COL4A1: variants seen among roughly 807,000 people sequenced by gnomAD.
COL4A1 encodes the protein collagen type IV alpha 1 chain.
COL4A1 carries 40 observed loss-of-function variants against 216.6 expected under a neutral mutation model. The ratio of observed to expected loss-of-function variants is 0.18; its 90% CI spans 0.14 to 0.24. The LOEUF is 0.24. COL4A1 is among the 10% of genes least tolerant of loss of function. The pLI is 1.00. For synonymous variants in COL4A1, 839 were observed against 810.7 expected (o/e 1.03, Z -0.59); for missense variants, 1,628 against 2,196.8 (o/e 0.74, Z 5.18).
chr13:110,306,891 G>T, intron 1 of COL4A1, 53 bp downstream of exon 1: 2 of 1,413,870 alleles, frequency 1.4e-6, no homozygotes, highest in Non-Finnish European at 1.8e-6. Flanking sequence ...GGGCCTCTCG[G>T]GGCGCCCAAG....
chr13:110,283,842 C>A (rs568122206), intron 1 of COL4A1, among the ~76,000 whole-genome samples: 1 of 152,246 alleles, frequency 6.6e-6, no homozygotes, highest in East Asian at 1.9e-4. Flanking sequence ...TTTTCATGAC[C>A]CTGAAGACTT....
At chr13:110,169,333 C>T (rs965449547) in intron 43 of COL4A1, among the ~76,000 whole-genome samples, 1 of 152,104 alleles carries the variant, frequency 6.6e-6, no homozygotes, top group Non-Finnish European at 1.5e-5. Flanking sequence ...TAAATTTAGG[C>T]ATTGAGCCAT....
chr13:110,200,926 A>C (rs2139190332), intron 19 of COL4A1, 37 bp from the exon 20 acceptor site: 2 of 1,610,030 alleles, frequency 1.2e-6, no homozygotes, highest in African/African-American at 1.3e-5. Context: ...CAAACAGAAC[A>C]GTTCACCCGT....
chr13:110,171,505 T>C (rs2139157119), intron 41 of COL4A1, among the ~76,000 whole-genome samples: 1 of 152,258 alleles, frequency 6.6e-6, no homozygotes. Context: ...AATTAAAAAG[T>C]AACAGCTTGT....
intron 1 of COL4A1, among the ~76,000 whole-genome samples, chr13:110,245,190 G>C (rs1338514211): frequency 6.6e-6 from 1 of 152,142 alleles, no homozygotes; most frequent in Non-Finnish European, 1.5e-5. Context: ...GAGTGCGCTG[G>C]CATCTGGCAC....
chr13:110,264,678 TC>T (rs1882953048), intron 1 of COL4A1, among the ~76,000 whole-genome samples: 1 of 152,198 alleles, frequency 6.6e-6, no homozygotes. Context: ...GCCCAGTGAA[TC>T]AAAAGTATTA....
intron 41 of COL4A1, among the ~76,000 whole-genome samples, chr13:110,172,318 C>T (rs751526751): frequency 1.7e-4 from 26 of 152,222 alleles, no homozygotes; most frequent in Non-Finnish European, 3.4e-4. Context: ...CTGAGCACAT[C>T]GTGGCTGCGC....
intron 1 of COL4A1, among the ~76,000 whole-genome samples, chr13:110,271,278 C>T (rs1266882893): frequency 2.0e-5 from 3 of 152,164 alleles, no homozygotes; most frequent in Non-Finnish European, 2.9e-5. Context: ...AGTCACGTTA[C>T]GGTGCAAAGT....
At chr13:110,201,022 G>A in intron 19 of COL4A1, 133 bp from the exon 20 acceptor site, 1 of 950,958 alleles carries the variant, frequency 1.1e-6, no homozygotes, top group Non-Finnish European at 1.7e-6. Flanking sequence ...AGAAAACAGA[G>A]CGGGAGACCA....
At chr13:110,182,219 G>A (rs73611421) in intron 28 of COL4A1, among the ~76,000 whole-genome samples, 2,438 of 152,276 alleles carry the variant, frequency 0.016, 70 homozygotes, top group African/African-American at 0.057. Flanking sequence ...GTGGGTGGGC[G>A]TTGCGTGGCT....
intron 1 of COL4A1, among the ~76,000 whole-genome samples, chr13:110,270,707 G>A (rs1370497712): frequency 6.6e-6 from 1 of 152,214 alleles, no homozygotes; most frequent in Non-Finnish European, 1.5e-5. Flanking sequence ...TGGGGGCACT[G>A]GCCGAAACTG....
In COL4A1 at chr13:110,212,462, G is replaced by A. The variant is rs757542907; in HGVS notation, c.342C>T (p.Asp114=). 1.9e-5 allele frequency: 30 copies of A among 1,614,160 alleles called. No homozygotes were observed. Among genetic ancestry groups the A allele is most frequent in the South Asian group, 1.2e-4 (11 of 91,086 alleles). The change falls in exon 6 of 52, where the codon GAC becomes GAT. Residue 114 remains aspartate, a synonymous_variant. Transcript: ENST00000375820. The part of the protein sequence containing the change: ...NPGLPGIPGQ[D]GPPGPPGIPG... ...GAATACCTGGGGGGCCTGGCGGGCC[G>A]TCTTGGCCAGGAATTCCCTGCAATG...
intron 1 of COL4A1, 95 bp downstream of exon 1, chr13:110,306,849 G>C: frequency 8.4e-7 from 1 of 1,187,316 alleles, no homozygotes; most frequent in Non-Finnish European, 1.1e-6. Context: ...GACCCCCGAG[G>C]GGCAGGCGGA....
At chr13:110,248,923 C>CGTGG (rs1881955748) in intron 1 of COL4A1, among the ~76,000 whole-genome samples, 1 of 152,100 alleles carries the variant, frequency 6.6e-6, no homozygotes, top group South Asian at 2.1e-4. Context: ...AAAGACTGCA[C>CGTGG]GTGGAGAATG....
At chr13:110,180,216 C>G (rs564536667) in intron 29 of COL4A1, among the ~76,000 whole-genome samples, 1 of 152,260 alleles carries the variant, frequency 6.6e-6, no homozygotes, top group East Asian at 1.9e-4. Context: ...TCTTTCATTC[C>G]CATTCCATTA....
chr13:110,181,557 G>A (rs1340173085), intron 28 of COL4A1, among the ~76,000 whole-genome samples, 168 bp from the exon 29 acceptor site: 3 of 152,162 alleles, frequency 2.0e-5, no homozygotes, highest in Non-Finnish European at 2.9e-5. Flanking sequence ...GAGACTGCCC[G>A]GCAGAGGGGT....
chr13:110,267,810 TAA>T (rs1431831222), intron 1 of COL4A1, among the ~76,000 whole-genome samples: 1 of 152,224 alleles, frequency 6.6e-6, no homozygotes, highest in African/African-American at 2.4e-5. Flanking sequence ...ATGTTTAATT[TAA>T]AACACAGTCC....
intron 31 of COL4A1, 57 bp downstream of exon 31, chr13:110,178,866 C>A: frequency 7.4e-7 from 1 of 1,352,070 alleles, no homozygotes; most frequent in South Asian, 1.2e-5. Flanking sequence ...CCTCATCCCC[C>A]ATGCTTCAGA....
chr13:110,300,261 A>G (rs1884440171), intron 1 of COL4A1, among the ~76,000 whole-genome samples: 1 of 152,198 alleles, frequency 6.6e-6, no homozygotes, highest in Non-Finnish European at 1.5e-5. Flanking sequence ...TGTGAGGATT[A>G]GGCAAGGTTT....
Sources: gnomAD v4.1 joint callset for allele counts (sites outside exome capture counted in the v4.1 genomes callset) on GRCh38, gnomAD v4.1.1 for gene constraint, MANE v1.5 for transcripts, NCBI Gene and HGNC (gene_info 2026-07-23, HGNC 2026-07-21) for gene names.